The following MYO10 variants were observed in gnomAD, a reference collection of about 807,000 sequenced individuals.
The protein encoded by MYO10 is myosin X.
In MYO10, 133 loss-of-function variants were observed where a neutral mutation model predicts 257.3. That is an observed-to-expected ratio of 0.52 (90% CI 0.45 to 0.60). The LOEUF is 0.60. MYO10 is among the 20% of genes least tolerant of loss of function. MYO10 has a pLI of 0.00. For synonymous variants in MYO10, 1,104 were observed against 1,028.6 expected, an observed-to-expected ratio of 1.07 and a Z score of -1.40; for missense variants, 2,399 against 2,635.7, an observed-to-expected ratio of 0.91 and a Z score of 1.97.
chr5:16,738,280 G>A, intron 19 of MYO10: 1 of 985,456 alleles, frequency 1.0e-6, no homozygotes, highest in Non-Finnish European at 1.2e-6. Context: ...CAGGAAGGAG[G>A]GGTGGTTAGC....
At chr5:16,690,586 C>A (rs879341248) in intron 27 of MYO10, among the ~76,000 whole-genome samples, 3 of 152,106 alleles carry the variant, frequency 2.0e-5, no homozygotes, top group Non-Finnish European at 4.4e-5. Context: ...GGGGCAGCAG[C>A]CCCCACTCCT....
At chr5:16,827,537 C>T (rs967670955) in intron 2 of MYO10, among the ~76,000 whole-genome samples, 8 of 152,152 alleles carry the variant, frequency 5.3e-5, no homozygotes, top group Non-Finnish European at 5.9e-5. Flanking sequence ...TCCGCCCACC[C>T]TGGCTTCCCA....
intron 4 of MYO10, among the ~76,000 whole-genome samples, chr5:16,792,586 GGGGC>G (rs71582457): frequency 0.27 from 19,514 of 71,414 alleles, 1,627 homozygotes; most frequent in East Asian, 0.54. Context: ...ACAGGAGCGG[GGGGC>G]GGGGGGCTGC....
intron 3 of MYO10, among the ~76,000 whole-genome samples, chr5:16,800,460 A>G (rs957074111): frequency 1.3e-5 from 2 of 152,200 alleles, no homozygotes; most frequent in South Asian, 4.1e-4. Context: ...TTAGGCAAGA[A>G]AGCCTTGATT....
At chr5:16,834,534 T>C (rs1743256062) in intron 2 of MYO10, among the ~76,000 whole-genome samples, 1 of 152,174 alleles carries the variant, frequency 6.6e-6, no homozygotes, top group Non-Finnish European at 1.5e-5. Flanking sequence ...CTGGAACTAA[T>C]GGCTGCTTAA....
intron 19 of MYO10, among the ~76,000 whole-genome samples, chr5:16,713,857 T>G (rs912802667): frequency 6.6e-6 from 1 of 152,190 alleles, no homozygotes; most frequent in African/African-American, 2.4e-5. Flanking sequence ...CTGCCTCCAC[T>G]GGTAACTAAC....
At chr5:16,874,519 T>A (rs947279443) in intron 2 of MYO10, among the ~76,000 whole-genome samples, 1 of 152,104 alleles carries the variant, frequency 6.6e-6, no homozygotes, top group Non-Finnish European at 1.5e-5. Context: ...TCTCTCAAGT[T>A]TGAAGTTCCA....
chr5:16,815,089 G>A (rs1294197024), intron 3 of MYO10: 1 of 184,872 alleles, frequency 5.4e-6, no homozygotes, highest in East Asian at 1.3e-4. Context: ...AGGTACTCAG[G>A]AGGCTAAGGC....
At chr5:16,724,792 T>C (rs11750074) in intron 19 of MYO10, among the ~76,000 whole-genome samples, 78 of 152,128 alleles carry the variant, frequency 5.1e-4, no homozygotes, top group Non-Finnish European at 1.1e-3. Flanking sequence ...ATATAATACA[T>C]ACACATACAT....
At chr5:16,696,354 ATTTTCT>A (rs1390006184) in intron 26 of MYO10, among the ~76,000 whole-genome samples, 1 of 151,942 alleles carries the variant, frequency 6.6e-6, no homozygotes, top group Admixed American at 6.6e-5. Context: ...TGGTGATTAG[ATTTTCT>A]TTTTCATTCA....
chr5:16,669,371 G>A (rs1385151566), intron 39 of MYO10, among the ~76,000 whole-genome samples: 2 of 151,992 alleles, frequency 1.3e-5, no homozygotes, highest in Non-Finnish European at 2.9e-5. Context: ...ATGCCACCAC[G>A]CCCAGCTAAT....
At position 16,888,105 on chromosome 5, in the gene MYO10, C is replaced by T. The variant is rs79162769; in HGVS notation, c.22-10398G>A. 2.9e-3 allele frequency among the ~76,000 whole-genome samples: 441 copies of T among 152,276 alleles called. 3 individuals are homozygous for T. The highest frequency in any genetic ancestry group is 0.01 in the African/African-American group (431 of 41,558). ...TAAAATAATTCATCCATCTGTAAATCGTTCCACCCACTCACCCATTCTTCC... is the reference window on the plus strand; with the variant it reads ...TAAAATAATTCATCCATCTGTAAATTGTTCCACCCACTCACCCATTCTTCC... On this transcript the variant is annotated intron_variant, in intron 1 of 40. Transcript: ENST00000513610.
chr5:16,886,471 C>A (rs1404909015), intron 1 of MYO10, among the ~76,000 whole-genome samples: 1 of 152,206 alleles, frequency 6.6e-6, no homozygotes, highest in East Asian at 1.9e-4. Context: ...GACATAATTT[C>A]TTCTCAAAGG....
intron 2 of MYO10, among the ~76,000 whole-genome samples, chr5:16,832,020 G>A (rs895313809): frequency 2.0e-5 from 3 of 152,246 alleles, no homozygotes; most frequent in East Asian, 3.9e-4. Context: ...TCAGCTCACC[G>A]CGGCCTCCAC....
chr5:16,691,738 C>T (rs530908706), intron 27 of MYO10, among the ~76,000 whole-genome samples: 42 of 151,154 alleles, frequency 2.8e-4, no homozygotes, highest in African/African-American at 1.0e-3. Flanking sequence ...CTACTGCTGA[C>T]ATCACAAGAG....
At chr5:16,804,651 T>C (rs1300625173) in intron 3 of MYO10, among the ~76,000 whole-genome samples, 1 of 152,130 alleles carries the variant, frequency 6.6e-6, no homozygotes, top group Non-Finnish European at 1.5e-5. Flanking sequence ...GGCAGGAGGA[T>C]CACCTGAGGT....
intron 2 of MYO10, among the ~76,000 whole-genome samples, chr5:16,830,512 T>C (rs1743131991): frequency 6.6e-6 from 1 of 151,704 alleles, no homozygotes; most frequent in African/African-American, 2.4e-5. Flanking sequence ...AAAAAAAAGA[T>C]GTTCAAACTC....
chr5:16,921,502 A>T (rs1024877960), intron 1 of MYO10, among the ~76,000 whole-genome samples: 2 of 152,092 alleles, frequency 1.3e-5, no homozygotes, highest in Non-Finnish European at 2.9e-5. Context: ...CCTTATGGGG[A>T]GAGTTTGGAT....
intron 33 of MYO10, among the ~76,000 whole-genome samples, chr5:16,677,033 C>T (rs1472013921): frequency 6.6e-6 from 1 of 152,108 alleles, no homozygotes; most frequent in Admixed American, 6.5e-5. Flanking sequence ...GGAGACTGTC[C>T]TTCCACGTGC....
Sources: allele counts gnomAD v4.1 joint callset (sites outside exome capture counted in the v4.1 genomes callset), GRCh38; gene constraint gnomAD v4.1.1; transcripts MANE v1.5; gene names NCBI Gene and HGNC (gene_info 2026-07-23, HGNC 2026-07-21).